The following ATP2B2 variants were observed in gnomAD, a reference collection of about 807,000 sequenced individuals.
The protein encoded by ATP2B2 is plasma membrane calcium-transporting ATPase 2.
Under a neutral mutation model 120.0 loss-of-function variants are expected in ATP2B2, and 15 were observed. The observed-to-expected ratio is 0.12, with a 90% CI of 0.08 to 0.19. The LOEUF is 0.19. Ranked by LOEUF, ATP2B2 falls within the 10% of genes least tolerant of loss-of-function variation. ATP2B2 has a pLI of 1.00. For synonymous variants in ATP2B2, 694 were observed against 700.3 expected, an observed-to-expected ratio of 0.99 and a Z score of 0.14; for missense variants, 1,045 against 1,719.8, an observed-to-expected ratio of 0.61 and a Z score of 6.94.
intron 1 of ATP2B2, among the ~76,000 whole-genome samples, chr3:10,638,595 G>C (rs77004588): frequency 0.04 from 6,083 of 152,256 alleles, 135 homozygotes; most frequent in South Asian, 0.078. Context: ...CAAGATGATA[G>C]ATTTAAAGCT....
intron 2 of ATP2B2, among the ~76,000 whole-genome samples, chr3:10,541,007 A>G (rs2067426860): frequency 6.6e-6 from 1 of 151,954 alleles, no homozygotes; most frequent in South Asian, 2.1e-4. Flanking sequence ...GTGTTTTTTG[A>G]GGAATTGGTC....
chr3:10,379,645 C>T (rs1251803630), intron 8 of ATP2B2, among the ~76,000 whole-genome samples: 1 of 152,146 alleles, frequency 6.6e-6, no homozygotes, highest in Non-Finnish European at 1.5e-5. Flanking sequence ...GCCCCCACAC[C>T]AAGCTTTTTG....
In ATP2B2 at chr3:10,635,243, T is replaced by C. The variant is rs149821518; in HGVS notation, c.-459-15282A>G. ...ATGGCATCTCTCAATTTGGGGATGT[T>C]GGCAACTAATTCCAGTTTAAAACCC... is the stretch of plus-strand genomic sequence containing the variant. On this transcript the variant is annotated intron_variant, in intron 1 of 21. Transcript: ENST00000646379. This position sits in a 1 kb window ranked among gnomAD's most constrained non-coding sequence, Gnocchi z 4.3. 2.0e-5 allele frequency among the ~76,000 whole-genome samples: 3 copies of C among 152,292 alleles called. No individual in the cohort carries two copies. Among genetic ancestry groups the C allele is most frequent in the Admixed American group, 1.3e-4 (2 of 15,306 alleles).
At chr3:10,481,869 A>T (rs1188449768) in intron 1 of ATP2B2, among the ~76,000 whole-genome samples, 1 of 152,212 alleles carries the variant, frequency 6.6e-6, no homozygotes, top group Non-Finnish European at 1.5e-5. Context: ...TATATTCTAA[A>T]AAATAACACT....
intron 2 of ATP2B2, among the ~76,000 whole-genome samples, chr3:10,551,336 G>T (rs2067665312): frequency 6.6e-6 from 1 of 152,220 alleles, no homozygotes; most frequent in Admixed American, 6.5e-5. Flanking sequence ...ACCTGGCAAG[G>T]CAGTGGTGAA....
intron 22 of ATP2B2, chr3:10,332,465 C>T (rs370803220): frequency 5.7e-4 from 104 of 182,640 alleles, no homozygotes; most frequent in Admixed American, 2.6e-3. Context: ...AGAGGCTGTG[C>T]GGCTTTGCCT....
chr3:10,385,251 C>A lies in ATP2B2; in HGVS notation c.1000+17G>T, dbSNP rs762646044. ...GCCCATCCAACCATGACCAGGAGCTCGCCGTGGGAGACATACCATTGACTA... is the reference window on the plus strand; with the variant it reads ...GCCCATCCAACCATGACCAGGAGCTAGCCGTGGGAGACATACCATTGACTA... On this transcript the variant is annotated intron_variant, in intron 8 of 22. Transcript: ENST00000360273. 16 of 1,612,542 alleles carry A rather than the reference C, an allele frequency of 9.9e-6. No individual in the cohort carries two copies. Among genetic ancestry groups the A allele is most frequent in the Admixed American group, 1.7e-5 (1 of 59,898 alleles).
chr3:10,408,645 G>C (rs1386807878), intron 3 of ATP2B2, among the ~76,000 whole-genome samples: 1 of 152,168 alleles, frequency 6.6e-6, no homozygotes, highest in Admixed American at 6.5e-5. Context: ...GTCTAACGTA[G>C]CTTTGTGACC....
chr3:10,406,800 C>G (rs2062428424), intron 3 of ATP2B2, among the ~76,000 whole-genome samples: 1 of 152,262 alleles, frequency 6.6e-6, no homozygotes, highest in South Asian at 2.1e-4. Context: ...AACATTGCCA[C>G]TGACCAGCCC....
intron 1 of ATP2B2, among the ~76,000 whole-genome samples, chr3:10,681,887 A>G (rs1178078924): frequency 1.3e-5 from 2 of 152,194 alleles, no homozygotes; most frequent in Non-Finnish European, 2.9e-5. Flanking sequence ...AGAATTTGCA[A>G]TTTGGTATAG....
At position 10,365,629 on chromosome 3, in the gene ATP2B2, T is replaced by C. The variant is rs2061022813; in HGVS notation, c.1660-5506A>G. Among the ~76,000 whole-genome samples, 4 of 150,862 alleles carry C rather than the reference T, an allele frequency of 2.7e-5. No homozygotes were observed. In the South Asian group the frequency reaches 8.4e-4, roughly 32 times the overall value. On this transcript the variant is annotated intron_variant, in intron 12 of 22. Transcript: ENST00000360273. The stretch of plus-strand genomic sequence containing the variant: ...GTGTGATGCATGGGGTGTGTGTCTG[T>C]GGTGTGTGTATATGTGTAGTGTACT...
At chr3:10,541,759 C>T (rs558955371) in intron 2 of ATP2B2, among the ~76,000 whole-genome samples, 1 of 152,260 alleles carries the variant, frequency 6.6e-6, no homozygotes, top group South Asian at 2.1e-4. Context: ...GGGGAGCATT[C>T]TATATGTGTT....
Position 10,578,558 on chromosome 3 carries a change from AC to A in ATP2B2, c.-415+41358del, listed in dbSNP as rs1228819083. On this transcript the variant is annotated intron_variant, in intron 2 of 21. Transcript: ENST00000646379. ...AGAGAGTCCATCTCAAAAAAAAAAA[AC>A]AAAAAGAAAAACATATATATGTATA... Among the ~76,000 whole-genome samples, 7 of 147,832 alleles carry A rather than the reference AC, an allele frequency of 4.7e-5. No homozygotes were observed. The South Asian group carries it at 1.3e-3, about 28-fold the overall frequency.
chr3:10,547,062 C>A (rs1157785250), intron 2 of ATP2B2, among the ~76,000 whole-genome samples: 4 of 152,198 alleles, frequency 2.6e-5, no homozygotes, highest in Non-Finnish European at 5.9e-5. Flanking sequence ...GGGAACTGAG[C>A]AGCGAGAGGC....
intron 2 of ATP2B2, among the ~76,000 whole-genome samples, chr3:10,578,167 G>A (rs2068297476): frequency 6.6e-6 from 1 of 152,142 alleles, no homozygotes; most frequent in Non-Finnish European, 1.5e-5. Flanking sequence ...ACTGTATCAA[G>A]TGTTGCTGGA....
At position 10,371,830 on chromosome 3, in the gene ATP2B2, G is replaced by A. The variant is rs148841263; in HGVS notation, c.1638C>T (p.Ser546=). The change falls in exon 12 of 23, where the codon AGC becomes AGT. Residue 546 remains serine (S), a synonymous_variant. Coordinates refer to ENST00000360273, the MANE Select transcript of ATP2B2 (RefSeq NM_001001331.4). The part of the protein sequence containing the change: ...ELLINAIAIN[S]AYTTKILPPE... ...TTACCAGAATCTTGGTGGTGTAGGCGCTGTTGATGGCGATGGCATTGATCA... is the reference window on the plus strand; with the variant it reads ...TTACCAGAATCTTGGTGGTGTAGGCACTGTTGATGGCGATGGCATTGATCA... 285 of 1,614,164 alleles carry A rather than the reference G, an allele frequency of 1.8e-4. 1 individual carries two copies. The African/African-American group carries it at 2.8e-3, about 16-fold the overall frequency.
chr3:10,679,176 T>C (rs1257510865), intron 1 of ATP2B2, among the ~76,000 whole-genome samples: 11 of 152,140 alleles, frequency 7.2e-5, no homozygotes, highest in African/African-American at 2.7e-4. Context: ...GATTGCAGCT[T>C]CGTGAGACCC....
At chr3:10,535,006 C>A (rs956455243) in intron 2 of ATP2B2, among the ~76,000 whole-genome samples, 4 of 147,224 alleles carry the variant, frequency 2.7e-5, no homozygotes, top group Non-Finnish European at 5.9e-5. Flanking sequence ...CGGGTTCAAG[C>A]GATTTTCCTG....
intron 1 of ATP2B2, among the ~76,000 whole-genome samples, chr3:10,492,399 G>A (rs2065967476): frequency 6.6e-6 from 1 of 152,158 alleles, no homozygotes; most frequent in Non-Finnish European, 1.5e-5. Context: ...ACACAGTGGA[G>A]CCACAAACAA....
Sources: gnomAD v4.1 joint callset for allele counts (sites outside exome capture counted in the v4.1 genomes callset) on GRCh38, gnomAD v4.1.1 for gene constraint, Gnocchi (gnomAD v3.1) non-coding constraint, MANE v1.5 for transcripts, NCBI Gene and HGNC (gene_info 2026-07-23, HGNC 2026-07-21) for gene names.